CELF1: variants seen among roughly 807,000 people sequenced by gnomAD.
CELF1 encodes CUGBP Elav-like family member 1, also known as 50 kDa nuclear polyadenylated RNA-binding protein.
Under a neutral mutation model 61.8 loss-of-function variants are expected in CELF1, and 10 were observed. The observed-to-expected ratio is 0.16, with a 90% CI of 0.10 to 0.27. The LOEUF (loss-of-function observed/expected upper bound fraction) is 0.27. Among genes scored for constraint, CELF1 ranks in the 10% least tolerant of loss-of-function variants. The pLI, the probability that CELF1 is intolerant of heterozygous loss-of-function variation, is 1.00. For missense variants in CELF1, 380 were observed against 639.1 expected, an observed-to-expected ratio of 0.59 and a Z score of 4.37; for synonymous variants, 236 against 225.1, an observed-to-expected ratio of 1.05 and a Z score of -0.43.
chr11:47,488,782 C>T, intron 4 of CELF1, 55 bp downstream of exon 4: 1 of 1,343,024 alleles, frequency 7.4e-7, no homozygotes, highest in Non-Finnish European at 9.7e-7. Context: ...AAAGCCCTCA[C>T]CTGCTCTGAG....
intron 1 of CELF1, among the ~76,000 whole-genome samples, chr11:47,541,585 G>A (rs2096774962): frequency 6.6e-6 from 1 of 151,496 alleles, no homozygotes; most frequent in Non-Finnish European, 1.5e-5. Flanking sequence ...AGCAACTTGG[G>A]AGGCTGAGGC....
At chr11:47,511,729 C>T (rs1198080755) in intron 1 of CELF1, among the ~76,000 whole-genome samples, 1 of 152,164 alleles carries the variant, frequency 6.6e-6, no homozygotes, top group Non-Finnish European at 1.5e-5. Flanking sequence ...GATGAAATGA[C>T]TCCCTCAAGA....
At chr11:47,486,651 A>G (rs920106873) in intron 6 of CELF1, 99 bp downstream of exon 6, 2 of 928,192 alleles carry the variant, frequency 2.2e-6, no homozygotes, top group Non-Finnish European at 3.5e-6. Flanking sequence ...CAAGCAATCC[A>G]TCTGTCTTGG....
At chr11:47,537,305 T>C (rs192762667) in intron 1 of CELF1, among the ~76,000 whole-genome samples, 41 of 150,370 alleles carry the variant, frequency 2.7e-4, no homozygotes, top group African/African-American at 9.6e-4. Flanking sequence ...TAGAGTGCAG[T>C]GGCGCCATCT....
At chr11:47,543,784 C>T (rs11605061) in intron 1 of CELF1, among the ~76,000 whole-genome samples, 5,485 of 152,152 alleles carry the variant, frequency 0.036, 103 homozygotes, top group Middle Eastern at 0.065. Context: ...AAGCTGTTTT[C>T]GGCAAATAAG....
intron 1 of CELF1, among the ~76,000 whole-genome samples, chr11:47,511,174 A>G (rs2095125549): frequency 6.6e-6 from 1 of 152,216 alleles, no homozygotes; most frequent in Admixed American, 6.5e-5. Flanking sequence ...CAACAGAGCA[A>G]GATCGTCTCA....
chr11:47,536,291 G>A (rs558705620), intron 1 of CELF1, among the ~76,000 whole-genome samples: 4 of 152,222 alleles, frequency 2.6e-5, no homozygotes, highest in South Asian at 2.1e-4. Context: ...ACTTGAACCC[G>A]GGAGGCGGAG....
intron 1 of CELF1, among the ~76,000 whole-genome samples, chr11:47,521,033 C>T (rs1340936876): frequency 2.6e-5 from 4 of 152,162 alleles, no homozygotes; most frequent in African/African-American, 9.7e-5. Context: ...GGGCGGATCA[C>T]GAAGTTAGGA....
chr11:47,512,111 G>A (rs2095240372), intron 1 of CELF1, among the ~76,000 whole-genome samples: 1 of 151,762 alleles, frequency 6.6e-6, no homozygotes, highest in African/African-American at 2.4e-5. Context: ...TGGCCTCCCA[G>A]AGTAAGCTAG....
chr11:47,529,882 G>A (rs529983011), intron 1 of CELF1, among the ~76,000 whole-genome samples: 3 of 152,150 alleles, frequency 2.0e-5, no homozygotes, highest in South Asian at 2.1e-4. Context: ...CTGGAATGAA[G>A]GGGACTGATA....
Position 47,535,701 on chromosome 11 carries a change from C to A in CELF1, c.-154+17291G>T, listed in dbSNP as rs2096612214. Among the ~76,000 whole-genome samples, 2 of 147,046 alleles carry A rather than the reference C, an allele frequency of 1.4e-5. 1 individual carries two copies. Among genetic ancestry groups the A allele is most frequent in the African/African-American group, 5.2e-5 (2 of 38,234 alleles). ...TCTCAAAAAAAAAAAAAAAATAAATCATGTCTTGTTTTGCTATATTTACTC... is the reference window on the plus strand; with the variant it reads ...TCTCAAAAAAAAAAAAAAAATAAATAATGTCTTGTTTTGCTATATTTACTC... On this transcript the variant is annotated intron_variant, in intron 1 of 14. Coordinates refer to ENST00000687097, the MANE Select transcript of CELF1 (RefSeq NM_001376376.1).
At chr11:47,517,617 G>A (rs1214102260) in intron 1 of CELF1, among the ~76,000 whole-genome samples, 2 of 151,874 alleles carry the variant, frequency 1.3e-5, no homozygotes, top group African/African-American at 4.8e-5. Context: ...AACAGTGGTT[G>A]AATTGTTTAC....
chr11:47,521,944 CTT>C (rs1300978215), intron 1 of CELF1, among the ~76,000 whole-genome samples: 5 of 148,788 alleles, frequency 3.4e-5, no homozygotes, highest in Admixed American at 2.0e-4. Context: ...GGGTTTTGCT[CTT>C]GTTGCCCAGG....
intron 1 of CELF1, among the ~76,000 whole-genome samples, chr11:47,551,993 A>G (rs2097149814): frequency 6.6e-6 from 1 of 151,794 alleles, no homozygotes; most frequent in African/African-American, 2.4e-5. Flanking sequence ...AGCCTAAGCA[A>G]CAAGAGCGAA....
rs974692758 is a variant in CELF1, at chr11:47,471,357, T to A, written c.*873A>T. 2 of 152,298 alleles carry A rather than the reference T, an allele frequency of 1.3e-5. No individual in the cohort carries two copies. Among genetic ancestry groups the A allele is most frequent in the South Asian group, 4.1e-4 (2 of 4,824 alleles). 9.4% of individuals were successfully genotyped at this position (152,298 alleles called of 1,614,324 possible). On this transcript the variant is annotated 3_prime_UTR_variant, in exon 15 of 15. Coordinates refer to ENST00000687097, the MANE Select transcript of CELF1 (RefSeq NM_001376376.1). Reference sequence around the variant, plus strand: ...GAAGGAAACCAGGCAATGTATTCCATAGAGGCCTTTAAAGAGACCCGTTGG... The same window carrying A: ...GAAGGAAACCAGGCAATGTATTCCAAAGAGGCCTTTAAAGAGACCCGTTGG...
chr11:47,530,959 A>T (rs1246299248), intron 1 of CELF1, among the ~76,000 whole-genome samples: 7 of 151,714 alleles, frequency 4.6e-5, no homozygotes, highest in Non-Finnish European at 7.4e-5. Flanking sequence ...CTGTCTTAAA[A>T]CAAAAAGCCC....
At chr11:47,556,114 A>G (rs948744822), upstream of CELF1, among the ~76,000 whole-genome samples, 3 of 152,172 alleles carry the variant, frequency 2.0e-5, no homozygotes, top group Non-Finnish European at 2.9e-5. Flanking sequence ...AAACTTTTAC[A>G]TACCTTTCTA....
intron 1 of CELF1, among the ~76,000 whole-genome samples, chr11:47,503,978 T>C (rs1321041910): frequency 6.6e-6 from 1 of 151,660 alleles, no homozygotes; most frequent in East Asian, 2.0e-4. Context: ...AGTTTGAGAC[T>C]AGTCTGACCA....
intron 1 of CELF1, among the ~76,000 whole-genome samples, chr11:47,526,387 A>T (rs575827339): frequency 6.6e-6 from 1 of 152,332 alleles, no homozygotes; most frequent in African/African-American, 2.4e-5. Flanking sequence ...GAACAAGATG[A>T]TTTCTAAGAT....
Sources: allele counts gnomAD v4.1 joint callset (sites outside exome capture counted in the v4.1 genomes callset), GRCh38; gene constraint gnomAD v4.1.1; transcripts MANE v1.5; gene names NCBI Gene and HGNC (gene_info 2026-07-23, HGNC 2026-07-21).